The following CPA6 variants were observed in gnomAD, a reference collection of about 807,000 sequenced individuals.
The protein encoded by CPA6 is carboxypeptidase A6.
Under a neutral mutation model 63.3 loss-of-function variants are expected in CPA6, and 58 were observed. That is an observed-to-expected ratio of 0.92 (90% CI 0.74 to 1.14). The LOEUF (loss-of-function observed/expected upper bound fraction) is 1.14. Ranked by LOEUF, CPA6 falls within the 50% of genes most tolerant of loss-of-function variation. The pLI is 0.00. For missense variants in CPA6, 565 were observed against 526.6 expected (o/e 1.07, Z -0.71); for synonymous variants, 185 against 179.0 (o/e 1.03, Z -0.27).
intron 8 of CPA6, among the ~76,000 whole-genome samples, chr8:67,476,104 G>A (rs1434494220): frequency 6.6e-6 from 1 of 151,108 alleles, no homozygotes; most frequent in East Asian, 1.9e-4. Flanking sequence ...AACCGTTCAA[G>A]CCATTCCTGT....
chr8:67,608,108 G>T (rs1395580717), intron 2 of CPA6, among the ~76,000 whole-genome samples: 1 of 152,148 alleles, frequency 6.6e-6, no homozygotes, highest in Non-Finnish European at 1.5e-5. Flanking sequence ...ATTCTTTAAA[G>T]TTTCAGCTGA....
In CPA6 at chr8:67,492,824, G is replaced by T. The variant is rs549648336; in HGVS notation, c.637-8035C>A. ...CAATGGATTTCAGTTTAGTCAAACT[G>T]AAACTAAACAAATATTGAATCAAAA... On this transcript the variant is annotated intron_variant, in intron 6 of 10. Coordinates refer to ENST00000297770, the MANE Select transcript of CPA6 (RefSeq NM_020361.5). 3.9e-5 allele frequency among the ~76,000 whole-genome samples: 6 copies of T among 152,198 alleles called. No individual in the cohort carries two copies. In the South Asian group the frequency reaches 8.3e-4, roughly 21 times the overall value.
intron 1 of CPA6, among the ~76,000 whole-genome samples, chr8:67,641,093 T>G (rs765136693): frequency 1.3e-5 from 2 of 151,714 alleles, no homozygotes; most frequent in Non-Finnish European, 2.9e-5. Context: ...CTGCCACCAC[T>G]CATGTCTTTC....
At chr8:67,604,872 G>T (rs1814589059) in intron 2 of CPA6, among the ~76,000 whole-genome samples, 1 of 152,092 alleles carries the variant, frequency 6.6e-6, no homozygotes, top group South Asian at 2.1e-4. Flanking sequence ...CCACCTCCCG[G>T]GTTCAAGCGA....
intron 3 of CPA6, 90 bp downstream of exon 3, chr8:67,517,833 G>C (rs930180907): frequency 1.5e-6 from 2 of 1,323,632 alleles, no homozygotes; most frequent in Admixed American, 2.5e-5. Context: ...AAACACTGTT[G>C]TAAGTACTTG....
At chr8:67,704,994 G>A (rs1817102654) in intron 1 of CPA6, among the ~76,000 whole-genome samples, 1 of 152,106 alleles carries the variant, frequency 6.6e-6, no homozygotes, top group South Asian at 2.1e-4. Context: ...AGAATAAGGA[G>A]GACAGGGCTA....
chr8:67,608,133 C>G (rs1814713717), intron 2 of CPA6, among the ~76,000 whole-genome samples: 1 of 152,178 alleles, frequency 6.6e-6, no homozygotes, highest in Non-Finnish European at 1.5e-5. Context: ...AAGCCCACAT[C>G]ACTTTTGTGT....
At chr8:67,719,570 C>T (rs1817451970) in intron 1 of CPA6, among the ~76,000 whole-genome samples, 1 of 152,044 alleles carries the variant, frequency 6.6e-6, no homozygotes, top group South Asian at 2.1e-4. Flanking sequence ...AGCAGAGCAA[C>T]ATAACAAAAA....
chr8:67,466,190 A>G (rs1216249927), intron 8 of CPA6, among the ~76,000 whole-genome samples: 2 of 147,284 alleles, frequency 1.4e-5, no homozygotes, highest in Admixed American at 1.4e-4. Context: ...ATCTTGGGAG[A>G]GTGTGTATTT....
chr8:67,606,237 T>C (rs7836691), intron 2 of CPA6, among the ~76,000 whole-genome samples: 73,438 of 148,942 alleles, frequency 0.49, 19,394 homozygotes, highest in African/African-American at 0.67. Context: ...TGCTAAGTGA[T>C]GAGTTAATGG....
At chr8:67,509,157 C>G (rs1218399537) in intron 5 of CPA6, among the ~76,000 whole-genome samples, 1 of 152,172 alleles carries the variant, frequency 6.6e-6, no homozygotes, top group African/African-American at 2.4e-5. Context: ...CCACCAGGTT[C>G]CTCCCACAAC....
chr8:67,722,677 C>T (rs1289907402), intron 1 of CPA6, among the ~76,000 whole-genome samples: 1 of 152,024 alleles, frequency 6.6e-6, no homozygotes, highest in African/African-American at 2.4e-5. Flanking sequence ...TATCCTTTTG[C>T]CCTATGATAC....
chr8:67,631,780 G>A (rs1815337692), intron 1 of CPA6, among the ~76,000 whole-genome samples: 1 of 152,170 alleles, frequency 6.6e-6, no homozygotes, highest in Admixed American at 6.5e-5. Context: ...AAGATCTGCA[G>A]CTTCACTCCT....
rs190679268 is a variant in CPA6, at chr8:67,539,616, G to A, written c.193-21569C>T. Among the ~76,000 whole-genome samples, 5 of 152,206 alleles carry A rather than the reference G, an allele frequency of 3.3e-5. No homozygotes were observed. In the East Asian group the frequency reaches 5.8e-4, roughly 18 times the overall value. On this transcript the variant is annotated intron_variant, in intron 2 of 10. Coordinates refer to ENST00000297770, the MANE Select transcript of CPA6 (RefSeq NM_020361.5). ...TTTCCAACTTGGTTCAATTCTCCCC[G>A]TCACTTTCAGGTATGCCAATCAAAT... is the stretch of plus-strand genomic sequence containing the variant.
chr8:67,492,697 C>G (rs1036022207), intron 6 of CPA6, among the ~76,000 whole-genome samples: 1 of 152,134 alleles, frequency 6.6e-6, no homozygotes, highest in Non-Finnish European at 1.5e-5. Context: ...CAGCTTGCGT[C>G]GCCACTTTTA....
At chr8:67,635,737 A>T (rs1815454545) in intron 1 of CPA6, among the ~76,000 whole-genome samples, 1 of 151,742 alleles carries the variant, frequency 6.6e-6, no homozygotes, top group Non-Finnish European at 1.5e-5. Context: ...ACTGCACTCC[A>T]GCCTGGGCAA....
At chr8:67,551,836 G>T (rs1023372496) in intron 2 of CPA6, among the ~76,000 whole-genome samples, 5 of 152,108 alleles carry the variant, frequency 3.3e-5, no homozygotes, top group Non-Finnish European at 7.3e-5. Flanking sequence ...GGAAAAGAGT[G>T]GGCACATTTG....
intron 1 of CPA6, among the ~76,000 whole-genome samples, chr8:67,742,143 T>C (rs1316364298): frequency 1.3e-5 from 2 of 151,698 alleles, no homozygotes; most frequent in Non-Finnish European, 2.9e-5. Context: ...TGTGTGTGTG[T>C]GCGCGTGTGT....
rs560203157 is a variant in CPA6 at position 67,732,363 on chromosome 8, T to TAGTTTCCTG, written c.116+13642_116+13650dup. ...GTCAGCAATTCGATTCCTAGTTTGTTAGTTTCCTGTCCCCCTTCCTTCCTC... is the reference window on the plus strand; with the variant it reads ...GTCAGCAATTCGATTCCTAGTTTGTTAGTTTCCTGAGTTTCCTGTCCCCCTTCCTTCCTC... On this transcript the variant is annotated intron_variant, in intron 1 of 10. Transcript: ENST00000297770. Among the ~76,000 whole-genome samples, 39 of 152,348 alleles carry TAGTTTCCTG rather than the reference T, an allele frequency of 2.6e-4. No individual in the cohort carries two copies. In the South Asian group the frequency reaches 7.7e-3, roughly 30 times the overall value.
Sources: gnomAD v4.1 joint callset for allele counts (sites outside exome capture counted in the v4.1 genomes callset) on GRCh38, gnomAD v4.1.1 for gene constraint, MANE v1.5 for transcripts, NCBI Gene and HGNC (gene_info 2026-07-23, HGNC 2026-07-21) for gene names.